LRRN3: variants seen among roughly 807,000 people sequenced by gnomAD.
LRRN3 encodes the protein leucine rich repeat neuronal 3.
A neutral mutation model predicts 40.1 loss-of-function variants in LRRN3; 15 were observed. The observed-to-expected ratio is 0.37, with a 90% CI of 0.25 to 0.58. The LOEUF is 0.58. Ranked by LOEUF, LRRN3 falls within the 20% of genes least tolerant of loss-of-function variation. LRRN3 has a pLI of 0.72. For missense variants in LRRN3, 746 were observed against 837.7 expected, an observed-to-expected ratio of 0.89 and a Z score of 1.35; for synonymous variants, 308 against 297.2, an observed-to-expected ratio of 1.04 and a Z score of -0.37.
rs1365123981 is a variant in LRRN3, at chr7:111,124,344, TTTGAA to T, written c.1574_1578del (p.Leu525TyrfsTer2). The T allele has an allele frequency of 6.2e-7, 1 of 1,613,584 alleles. No homozygotes were observed. The highest frequency in any genetic ancestry group is 8.5e-7 in the Non-Finnish European group (1 of 1,179,928). On this transcript the variant is annotated frameshift_variant, in exon 3 of 3. Coordinates refer to ENST00000308478, the MANE Select transcript of LRRN3 (RefSeq NM_001099658.2). LOFTEE classifies it high-confidence loss of function. ...CTTTTCCACAAGATAACAATGGCTCTTTGAATATTAAAATAAGAGATATTCAGGCC... is the reference window on the plus strand; with the variant it reads ...CTTTTCCACAAGATAACAATGGCTCTTATTAAAATAAGAGATATTCAGGCC...
intron 2 of LRRN3, among the ~76,000 whole-genome samples, chr7:111,100,986 A>C (rs1797909657): frequency 6.6e-6 from 1 of 151,536 alleles, no homozygotes; most frequent in South Asian, 2.1e-4. Context: ...AACATTTATA[A>C]GTTTAAAATT....
intron 2 of LRRN3, among the ~76,000 whole-genome samples, chr7:111,112,177 G>C (rs1377695247): frequency 2.6e-5 from 4 of 151,852 alleles, no homozygotes; most frequent in African/African-American, 9.7e-5. Context: ...CATGTTGGCT[G>C]GTCTTGAACT....
At chr7:111,092,171 C>T (rs1455451326) in intron 1 of LRRN3, among the ~76,000 whole-genome samples, 1 of 152,176 alleles carries the variant, frequency 6.6e-6, no homozygotes, top group Non-Finnish European at 1.5e-5. Flanking sequence ...TTAATAACAT[C>T]CCCTCGCTGG....
At chr7:111,119,268 T>A (rs1240215556) in intron 2 of LRRN3, among the ~76,000 whole-genome samples, 1 of 152,196 alleles carries the variant, frequency 6.6e-6, no homozygotes, top group Non-Finnish European at 1.5e-5. Context: ...GGCAATAGAT[T>A]TCTATTTTCA....
intron 2 of LRRN3, among the ~76,000 whole-genome samples, chr7:111,104,781 A>G (rs982613005): frequency 6.6e-6 from 1 of 151,872 alleles, no homozygotes; most frequent in African/African-American, 2.4e-5. Flanking sequence ...CAAATTAAAA[A>G]TATGCATAGA....
chr7:111,102,750 C>T (rs1419644353), intron 2 of LRRN3, among the ~76,000 whole-genome samples: 2 of 151,498 alleles, frequency 1.3e-5, no homozygotes, highest in Admixed American at 6.6e-5. Flanking sequence ...ACTTCCACTA[C>T]TCTGGGACAT....
rs370184659 is a variant in LRRN3, at chr7:111,124,311, G to C, written c.1539G>C (p.Val513=). 18 of 1,613,732 alleles carry C rather than the reference G, an allele frequency of 1.1e-5. No individual in the cohort carries two copies. The highest frequency in any genetic ancestry group is 1.5e-5 in the Non-Finnish European group (18 of 1,179,826). ...GADLKSVMIK[V]DGSFPQDNNG... is the part of the protein sequence containing the mutation. The stretch of plus-strand genomic sequence containing the variant: ...ACTTGAAGTCTGTTATGATCAAAGT[G>C]GATGGATCTTTTCCACAAGATAACA... Residue 513 remains valine, a synonymous_variant, in exon 3 of 3, where the codon GTG becomes GTC. Coordinates refer to ENST00000308478, the MANE Select transcript of LRRN3 (RefSeq NM_001099658.2).
At chr7:111,122,152 A>G (rs1434237720) in intron 2 of LRRN3, among the ~76,000 whole-genome samples, 2 of 152,080 alleles carry the variant, frequency 1.3e-5, no homozygotes, top group African/African-American at 4.8e-5. Flanking sequence ...CAGCACACCA[A>G]CATGGCACAT....
intron 1 of LRRN3, among the ~76,000 whole-genome samples, chr7:111,096,470 A>T (rs530507400): frequency 6.6e-6 from 1 of 151,364 alleles, no homozygotes; most frequent in South Asian, 2.1e-4. Flanking sequence ...TTTATTTCTT[A>T]ATTTAAATCA....
intron 2 of LRRN3, among the ~76,000 whole-genome samples, chr7:111,121,050 C>T (rs1016606829): frequency 6.6e-6 from 1 of 151,512 alleles, no homozygotes; most frequent in Non-Finnish European, 1.5e-5. Context: ...AAGGTATAAA[C>T]AAGCAAAGAT....
chr7:111,117,615 C>T (rs879882087), intron 2 of LRRN3, among the ~76,000 whole-genome samples: 1 of 151,898 alleles, frequency 6.6e-6, no homozygotes, highest in Non-Finnish European at 1.5e-5. Flanking sequence ...CAGTCTTTTA[C>T]AAGGATGCAT....
chr7:111,096,186 G>A (rs756305596), intron 1 of LRRN3, among the ~76,000 whole-genome samples: 5 of 151,940 alleles, frequency 3.3e-5, no homozygotes, highest in Admixed American at 2.6e-4. Flanking sequence ...ATCTGGTGAA[G>A]TAGGGTAGAT....
At chr7:111,111,942 G>GTTTTTTTTTTTTTTTTTTTTTTTTTTTTT (rs748410980) in intron 2 of LRRN3, among the ~76,000 whole-genome samples, 1 of 84,110 alleles carries the variant, frequency 1.2e-5, no homozygotes, top group Non-Finnish European at 2.2e-5. Context: ...TATATAGTTT[G>GTTTTTTTTTTTTTTTTTTTTTTTTTTTTT]TTTTTTTTTT....
chr7:111,116,645 G>A (rs1056353537), intron 2 of LRRN3, among the ~76,000 whole-genome samples: 1 of 152,086 alleles, frequency 6.6e-6, no homozygotes, highest in Non-Finnish European at 1.5e-5. Context: ...AAGATTCAGA[G>A]AGCGATGTGA....
chr7:111,123,599 G>T lies in LRRN3; in HGVS notation c.827G>T (p.Arg276Leu). The change falls in exon 3 of 3, where the codon CGA (arginine) becomes CTA (leucine). Residue 276 changes from arginine to leucine, a missense_variant. Arg to Leu is a moderately radical substitution (Grantham distance 102). Transcript: ENST00000308478. The surrounding 1 kb of genome is among the most constrained non-coding windows in gnomAD (Gnocchi z 6.4). ...DLNKNPINRI[R>L]RGDFSNMLHL... is the part of the protein sequence containing the mutation. ...AATAAAAATCCTATTAATAGAATAC[G>T]AAGGGGTGATTTTAGCAATATGCTA... 6.2e-7 allele frequency: 1 copy of T among 1,613,138 alleles called. No homozygotes were observed. The highest frequency in any genetic ancestry group is 8.5e-7 in the Non-Finnish European group (1 of 1,179,388).
chr7:111,108,504 C>G (rs917468660), intron 2 of LRRN3, among the ~76,000 whole-genome samples: 2 of 152,000 alleles, frequency 1.3e-5, no homozygotes, highest in Admixed American at 1.3e-4. Context: ...AAAACTATAT[C>G]TCAAGTAAAA....
rs528484866 is a variant in LRRN3 at position 111,118,337 on chromosome 7, A to C, written c.-358-4078A>C. Reference sequence around the variant, plus strand: ...GAATAAAGATCTCTTTACTAAGGAAAAGTAGCTTTATCCATAAAAGCTTCT... The same window carrying C: ...GAATAAAGATCTCTTTACTAAGGAACAGTAGCTTTATCCATAAAAGCTTCT... On this transcript the variant is annotated intron_variant, in intron 2 of 2. Transcript: ENST00000308478. Among the ~76,000 whole-genome samples, 3 of 152,256 alleles carry C rather than the reference A, an allele frequency of 2.0e-5. No homozygotes were observed. The East Asian group carries it at 5.8e-4, about 29-fold the overall frequency.
chr7:111,109,967 C>T (rs1446959870), intron 2 of LRRN3, among the ~76,000 whole-genome samples: 1 of 152,082 alleles, frequency 6.6e-6, no homozygotes, highest in African/African-American at 2.4e-5. Flanking sequence ...AACACTGTGT[C>T]TATTAAAATT....
At position 111,121,719 on chromosome 7, in the gene LRRN3, C is replaced by T. The variant is rs1411413203; in HGVS notation, c.-358-696C>T. ...TAGAAATACCATTTGACCCAGCCAACCCATTACTGGGTATATACCCAAAGG... is the reference window on the plus strand; with the variant it reads ...TAGAAATACCATTTGACCCAGCCAATCCATTACTGGGTATATACCCAAAGG... On this transcript the variant is annotated intron_variant, in intron 2 of 2. Coordinates refer to ENST00000308478, the MANE Select transcript of LRRN3 (RefSeq NM_001099658.2). Among the ~76,000 whole-genome samples the T allele has an allele frequency of 4.6e-5, 7 of 152,234 alleles. No individual in the cohort carries two copies. The South Asian group carries it at 8.3e-4, about 18-fold the overall frequency.
Sources: allele counts gnomAD v4.1 joint callset (sites outside exome capture counted in the v4.1 genomes callset), GRCh38; gene constraint gnomAD v4.1.1; non-coding constraint Gnocchi (gnomAD v3.1); transcripts MANE v1.5; gene names NCBI Gene and HGNC (gene_info 2026-07-23, HGNC 2026-07-21).